The following NSMCE1 variants were observed in gnomAD, a reference collection of about 807,000 sequenced individuals.
NSMCE1 encodes non-structural maintenance of chromosomes element 1 homolog.
In NSMCE1, 18 loss-of-function variants were observed where a neutral mutation model predicts 29.6. That is an observed-to-expected ratio of 0.61 (90% CI 0.42 to 0.90). The LOEUF is 0.90. Among genes scored for constraint, NSMCE1 ranks in the 40% least tolerant of loss-of-function variants. NSMCE1 has a pLI of 0.00. For synonymous variants in NSMCE1, 124 were observed against 133.4 expected, an observed-to-expected ratio of 0.93 and a Z score of 0.49; for missense variants, 314 against 343.6, an observed-to-expected ratio of 0.91 and a Z score of 0.68.
chr16:27,266,978 T>C (rs1157635301), intron 1 of NSMCE1, among the ~76,000 whole-genome samples: 1 of 152,142 alleles, frequency 6.6e-6, no homozygotes, highest in Non-Finnish European at 1.5e-5. Context: ...ATCCCATGTA[T>C]AATATAGGTT....
At chr16:27,268,158 T>C (rs1403303711) in intron 1 of NSMCE1, 1 of 152,142 alleles carries the variant, frequency 6.6e-6, no homozygotes, top group East Asian at 1.9e-4. Context: ...ACATAGGGAC[T>C]TTACCTTTCC....
chr16:27,251,683 T>C (rs2084037389), intron 2 of NSMCE1, among the ~76,000 whole-genome samples: 1 of 152,188 alleles, frequency 6.6e-6, no homozygotes, highest in African/African-American at 2.4e-5. Context: ...TGGGTAGAAA[T>C]GGTGTGAGTT....
At chr16:27,267,028 T>C (rs1439347708) in intron 1 of NSMCE1, among the ~76,000 whole-genome samples, 1 of 152,176 alleles carries the variant, frequency 6.6e-6, no homozygotes, top group Non-Finnish European at 1.5e-5. Context: ...TAAGGCAGAA[T>C]TATCTCTCTG....
In NSMCE1 at chr16:27,225,692, AGCCCCTCCCATGAGCTCCTCAGGGCCCAC is replaced by A; in HGVS notation, c.721+5_721+33del. The A allele has an allele frequency of 1.2e-6, 2 of 1,612,612 alleles. No individual in the cohort carries two copies. The highest frequency in any genetic ancestry group is 1.7e-6 in the Non-Finnish European group (2 of 1,179,512). On this transcript the variant is annotated splice_donor_5th_base_variant and intron_variant, in intron 7 of 7. Transcript: ENST00000361439. ...ACCAGGCCCCACGTCCTGCTGGCCC[AGCCCCTCCCATGAGCTCCTCAGGGCCCAC>A]GCACTTGGGATCTCGTGGGGCCAGT...
At chr16:27,244,431 A>T (rs1237746102) in intron 2 of NSMCE1, among the ~76,000 whole-genome samples, 1 of 152,186 alleles carries the variant, frequency 6.6e-6, no homozygotes, top group Non-Finnish European at 1.5e-5. Context: ...TGTCCTCCAC[A>T]TGCAGCTGAG....
chr16:27,227,466 T>C (rs770706433), intron 5 of NSMCE1, among the ~76,000 whole-genome samples: 8 of 151,898 alleles, frequency 5.3e-5, no homozygotes, highest in Admixed American at 3.3e-4. Flanking sequence ...CCACCCATCA[T>C]GCATCCTGAA....
At chr16:27,257,400 C>G (rs771379772) in intron 2 of NSMCE1, 35 bp downstream of exon 2, 1 of 1,580,522 alleles carries the variant, frequency 6.3e-7, no homozygotes, top group Admixed American at 1.8e-5. Flanking sequence ...CAACACAGCA[C>G]CAGAGCGCCC....
intron 1 of NSMCE1, among the ~76,000 whole-genome samples, chr16:27,259,861 C>T (rs766998443): frequency 1.5e-4 from 23 of 152,160 alleles, no homozygotes; most frequent in Admixed American, 3.9e-4. Context: ...CAATGGAAGC[C>T]GGTCACAGTG....
intron 5 of NSMCE1, among the ~76,000 whole-genome samples, chr16:27,229,289 G>C (rs2083738762): frequency 6.6e-6 from 1 of 152,188 alleles, no homozygotes; most frequent in Non-Finnish European, 1.5e-5. Flanking sequence ...GGTTCCTCTG[G>C]GACAGCTGTC....
At chr16:27,254,866 C>CTTTTT (rs61088115) in intron 2 of NSMCE1, among the ~76,000 whole-genome samples, 22 of 46,912 alleles carry the variant, frequency 4.7e-4, no homozygotes, top group African/African-American at 9.9e-4. Context: ...TCCAACCATG[C>CTTTTT]TTTTTTTTTT....
At position 27,226,757 on chromosome 16, in the gene NSMCE1, A is replaced by G; in HGVS notation, c.563T>C (p.Val188Ala). ...QYIRETYPDA[V>A]KICNICHSLL... Reference sequence around the variant, plus strand: ...GCTGTGACAGATATTGCAGATCTTCACCGCGTCGGGGTACGTCTCCCGGAT... The same window carrying G: ...GCTGTGACAGATATTGCAGATCTTCGCCGCGTCGGGGTACGTCTCCCGGAT... The change falls in exon 6 of 8, where the codon GTG (valine) becomes GCG (alanine). Residue 188 changes from valine (V) to alanine (A), a missense_variant. Val to Ala is a moderately conservative substitution (Grantham distance 64, BLOSUM62 0). Transcript: ENST00000361439. The G allele has an allele frequency of 6.2e-7, 1 of 1,613,836 alleles. No homozygotes were observed. Among genetic ancestry groups the G allele is most frequent in the Non-Finnish European group, 8.5e-7 (1 of 1,179,754 alleles).
intron 2 of NSMCE1, among the ~76,000 whole-genome samples, chr16:27,239,149 C>T (rs780612654): frequency 2.6e-5 from 4 of 152,172 alleles, no homozygotes; most frequent in Admixed American, 1.3e-4. Flanking sequence ...GGATTACAGG[C>T]GTGAGCCACC....
chr16:27,246,350 T>C (rs2083958687), intron 2 of NSMCE1, among the ~76,000 whole-genome samples: 1 of 152,216 alleles, frequency 6.6e-6, no homozygotes, highest in African/African-American at 2.4e-5. Flanking sequence ...AAAATTAACA[T>C]TAAACATGAT....
intron 5 of NSMCE1, among the ~76,000 whole-genome samples, chr16:27,229,383 T>C (rs1477907282): frequency 2.0e-5 from 3 of 152,186 alleles, no homozygotes; most frequent in African/African-American, 7.2e-5. Context: ...CTCCAGACCA[T>C]GGCCCCATGG....
At chr16:27,251,545 T>C (rs1334926308) in intron 2 of NSMCE1, among the ~76,000 whole-genome samples, 1 of 152,206 alleles carries the variant, frequency 6.6e-6, no homozygotes, top group Non-Finnish European at 1.5e-5. Context: ...CGTTAACGTC[T>C]ACGCTCATGA....
At chr16:27,234,398 C>T in intron 3 of NSMCE1, 133 bp from the exon 4 acceptor site, 1 of 698,928 alleles carries the variant, frequency 1.4e-6, no homozygotes, top group South Asian at 1.6e-5. Flanking sequence ...CTGCGGGCCG[C>T]AGGGATGGAT....
intron 2 of NSMCE1, among the ~76,000 whole-genome samples, chr16:27,245,269 G>A (rs2083943456): frequency 6.6e-6 from 1 of 152,272 alleles, no homozygotes. Flanking sequence ...GACCCTGGAA[G>A]AAACAGGACT....
At chr16:27,237,303 C>T (rs1239311290) in intron 2 of NSMCE1, among the ~76,000 whole-genome samples, 1 of 152,258 alleles carries the variant, frequency 6.6e-6, no homozygotes, top group African/African-American at 2.4e-5. Flanking sequence ...CTCCATGCCC[C>T]TGCTCACGGG....
At chr16:27,249,760 C>G (rs1302355832) in intron 2 of NSMCE1, among the ~76,000 whole-genome samples, 1 of 152,168 alleles carries the variant, frequency 6.6e-6, no homozygotes, top group Non-Finnish European at 1.5e-5. Flanking sequence ...TTTACATTTC[C>G]ATGTGAATTT....
Sources: allele counts gnomAD v4.1 joint callset (sites outside exome capture counted in the v4.1 genomes callset), GRCh38; gene constraint gnomAD v4.1.1; transcripts MANE v1.5; gene names NCBI Gene and HGNC (gene_info 2026-07-23, HGNC 2026-07-21).